Variants in CAMKMT observed in about 807,000 individuals in gnomAD.
The protein encoded by CAMKMT is calmodulin-lysine N-methyltransferase, also known as CaM KMT.
CAMKMT carries 53 observed loss-of-function variants against 48.0 expected under a neutral mutation model. The observed-to-expected ratio is 1.10, with a 90% CI of 0.89 to 1.39. The LOEUF (loss-of-function observed/expected upper bound fraction) is 1.39, where lower values mean the gene tolerates loss of function less well. CAMKMT is among the 40% of genes most tolerant of loss of function. CAMKMT has a pLI of 0.00. For synonymous variants in CAMKMT, 165 were observed against 152.3 expected (o/e 1.08, Z -0.61); for missense variants, 428 against 402.7 (o/e 1.06, Z -0.54).
At chr2:44,660,701 C>A (rs1426715186) in intron 3 of CAMKMT, among the ~76,000 whole-genome samples, 1 of 152,138 alleles carries the variant, frequency 6.6e-6, no homozygotes, top group Non-Finnish European at 1.5e-5. Context: ...ACTGCAGCCT[C>A]AGCTCAGGTG....
At chr2:44,385,910 A>C (rs1680739011) in intron 2 of CAMKMT, among the ~76,000 whole-genome samples, 1 of 152,116 alleles carries the variant, frequency 6.6e-6, no homozygotes, top group African/African-American at 2.4e-5. Context: ...ATCTGTGTTC[A>C]TCAAGGATAT....
intron 2 of CAMKMT, among the ~76,000 whole-genome samples, chr2:44,373,676 A>G (rs975833718): frequency 4.6e-5 from 7 of 152,220 alleles, no homozygotes; most frequent in Non-Finnish European, 8.8e-5. Context: ...AAATTTTCAC[A>G]AAGGGTATCT....
chr2:44,561,496 G>A (rs114854350), intron 3 of CAMKMT, among the ~76,000 whole-genome samples: 1,790 of 151,842 alleles, frequency 0.012, 44 homozygotes, highest in African/African-American at 0.042. Flanking sequence ...TCTTTTCCTC[G>A]TTGCTTTCAC....
intron 3 of CAMKMT, among the ~76,000 whole-genome samples, chr2:44,588,051 G>A (rs1336421657): frequency 1.3e-4 from 19 of 142,560 alleles, no homozygotes; most frequent in East Asian, 2.1e-4. Context: ...CTTCCCCGCC[G>A]CCCATCGTCT....
intron 9 of CAMKMT, among the ~76,000 whole-genome samples, chr2:44,756,118 G>C (rs1180150472): frequency 6.6e-6 from 1 of 152,216 alleles, no homozygotes; most frequent in East Asian, 1.9e-4. Context: ...GGGGTAGTGG[G>C]CAGTTGTCCT....
chr2:44,610,126 AT>A (rs1671517505), intron 3 of CAMKMT, among the ~76,000 whole-genome samples: 1 of 152,192 alleles, frequency 6.6e-6, no homozygotes, highest in Non-Finnish European at 1.5e-5. Flanking sequence ...ACATTTCTGA[AT>A]ATAGAAATGT....
At chr2:44,586,290 C>G (rs1669855094) in intron 3 of CAMKMT, among the ~76,000 whole-genome samples, 1 of 151,980 alleles carries the variant, frequency 6.6e-6, no homozygotes, top group South Asian at 2.1e-4. Context: ...GCACGTATCT[C>G]AAGTGTACAA....
intron 3 of CAMKMT, among the ~76,000 whole-genome samples, chr2:44,680,895 A>G (rs1675980626): frequency 6.6e-6 from 1 of 152,226 alleles, no homozygotes; most frequent in African/African-American, 2.4e-5. Context: ...CCGAATGTGC[A>G]GTTTCTTTTC....
chr2:44,482,571 G>A (rs1047161529), intron 3 of CAMKMT, among the ~76,000 whole-genome samples: 5 of 151,976 alleles, frequency 3.3e-5, no homozygotes, highest in East Asian at 1.9e-4. Flanking sequence ...AACATTTAAC[G>A]AAAATATTAT....
chr2:44,765,520 ATT>A (rs56681305), intron 9 of CAMKMT, among the ~76,000 whole-genome samples: 5,071 of 140,912 alleles, frequency 0.036, 259 homozygotes, highest in African/African-American at 0.13. Context: ...AGCCATCTTT[ATT>A]TTTTTTTTTA....
intron 3 of CAMKMT, among the ~76,000 whole-genome samples, chr2:44,399,741 C>T (rs950028375): frequency 6.6e-6 from 1 of 152,008 alleles, no homozygotes; most frequent in Non-Finnish European, 1.5e-5. Flanking sequence ...AGGAAGACGG[C>T]TGTCAATGTA....
chr2:44,593,481 C>G (rs1205619576), intron 3 of CAMKMT, among the ~76,000 whole-genome samples: 1 of 152,160 alleles, frequency 6.6e-6, no homozygotes, highest in Non-Finnish European at 1.5e-5. Context: ...ACTTTCAACT[C>G]TGGTACTCTG....
intron 3 of CAMKMT, among the ~76,000 whole-genome samples, chr2:44,429,130 T>C (rs1684472535): frequency 6.6e-6 from 1 of 152,164 alleles, no homozygotes; most frequent in African/African-American, 2.4e-5. Context: ...TTGTTTCTTA[T>C]CTGACCAGCC....
At chr2:44,501,840 C>T (rs1402550351) in intron 3 of CAMKMT, among the ~76,000 whole-genome samples, 1 of 151,806 alleles carries the variant, frequency 6.6e-6, no homozygotes, top group African/African-American at 2.4e-5. Flanking sequence ...GCTATAATTA[C>T]ATCACTGCAT....
intron 7 of CAMKMT, among the ~76,000 whole-genome samples, chr2:44,715,792 TG>T (rs1678146261): frequency 6.6e-6 from 1 of 152,126 alleles, no homozygotes. Context: ...TGGCATCTAG[TG>T]GTAGAGACCA....
At chr2:44,735,326 G>A (rs986754232) in intron 7 of CAMKMT, among the ~76,000 whole-genome samples, 9 of 152,158 alleles carry the variant, frequency 5.9e-5, no homozygotes, top group Admixed American at 1.3e-4. Context: ...TAATTGGAGC[G>A]TTCAGACCAT....
At chr2:44,640,761 G>A (rs1013590683) in intron 3 of CAMKMT, among the ~76,000 whole-genome samples, 3 of 152,170 alleles carry the variant, frequency 2.0e-5, no homozygotes, top group African/African-American at 7.2e-5. Flanking sequence ...AAAAAGTACT[G>A]TGTGGAGAGC....
intron 3 of CAMKMT, among the ~76,000 whole-genome samples, chr2:44,497,689 T>G (rs1475235670): frequency 2.2e-5 from 3 of 139,290 alleles, no homozygotes; most frequent in Non-Finnish European, 4.6e-5. Context: ...TACCTGTAAT[T>G]TAAAAAAATT....
chr2:44,389,125 T>C (rs890709682), intron 2 of CAMKMT, among the ~76,000 whole-genome samples: 2 of 152,014 alleles, frequency 1.3e-5, no homozygotes, highest in Non-Finnish European at 2.9e-5. Flanking sequence ...AGGACCATCA[T>C]GTAGGGGCAG....
Sources: gnomAD v4.1 joint callset for allele counts (sites outside exome capture counted in the v4.1 genomes callset) on GRCh38, gnomAD v4.1.1 for gene constraint, MANE v1.5 for transcripts, NCBI Gene and HGNC (gene_info 2026-07-23, HGNC 2026-07-21) for gene names.